AP2B1: variants seen among roughly 807,000 people sequenced by gnomAD.
The protein encoded by AP2B1 is adaptor related protein complex 2 subunit beta 1, also known as AP-2 complex subunit beta.
Under a neutral mutation model 102.0 loss-of-function variants are expected in AP2B1, and 23 were observed. The ratio of observed to expected loss-of-function variants is 0.23; its 90% CI spans 0.16 to 0.32. AP2B1 has a LOEUF of 0.32. Ranked by LOEUF, AP2B1 falls within the 10% of genes least tolerant of loss-of-function variation. The pLI, the probability that AP2B1 is intolerant of heterozygous loss-of-function variation, is 1.00. For synonymous variants in AP2B1, 381 were observed against 421.2 expected (o/e 0.90, Z 1.17); for missense variants, 541 against 1,157.4 (o/e 0.47, Z 7.73).
intron 12 of AP2B1, among the ~76,000 whole-genome samples, chr17:35,649,208 C>T (rs1219892751): frequency 5.9e-5 from 9 of 151,778 alleles, no homozygotes; most frequent in Admixed American, 5.9e-4. Flanking sequence ...GGTATGGGTA[C>T]AATATATGGA....
chr17:35,703,244 G>A (rs1317504770), intron 18 of AP2B1, among the ~76,000 whole-genome samples: 3 of 118,156 alleles, frequency 2.5e-5, no homozygotes, highest in East Asian at 5.4e-4. Flanking sequence ...CAGCCTGGGT[G>A]ACAGAGCCAG....
Position 35,657,630 on chromosome 17 carries a change from A to T in AP2B1, c.1828A>T (p.Thr610Ser). The change falls in exon 14 of 22, where the codon ACC becomes TCC. Residue 610 changes from threonine to serine, a missense_variant. Physicochemically the swap from Thr to Ser is moderately conservative, Grantham distance 58. Coordinates refer to ENST00000610402, the MANE Select transcript of AP2B1 (RefSeq NM_001030006.2). ...TGCAGGTGACAGCCCTGTTGGCACT[A>T]CCACTGCAACGAACCTGGAACAGCC... ...TDAGDSPVGT[T>S]TATNLEQPQV... The T allele has an allele frequency of 6.2e-7, 1 of 1,613,948 alleles. No individual in the cohort carries two copies. The highest frequency in any genetic ancestry group is 8.5e-7 in the Non-Finnish European group (1 of 1,179,866).
At chr17:35,682,048 A>G (rs2075832239) in intron 17 of AP2B1, among the ~76,000 whole-genome samples, 1 of 152,082 alleles carries the variant, frequency 6.6e-6, no homozygotes, top group Non-Finnish European at 1.5e-5. Flanking sequence ...TGAGCTCAGG[A>G]GTTCGAGACC....
At chr17:35,712,628 C>CA (rs1298783238) in intron 20 of AP2B1, among the ~76,000 whole-genome samples, 26 of 142,038 alleles carry the variant, frequency 1.8e-4, no homozygotes, top group Middle Eastern at 3.7e-3. Flanking sequence ...GACTCCGTCT[C>CA]AAAAAAAAAA....
At chr17:35,616,276 T>C (rs914495609) in intron 5 of AP2B1, among the ~76,000 whole-genome samples, 4 of 149,666 alleles carry the variant, frequency 2.7e-5, no homozygotes, top group Non-Finnish European at 5.9e-5. Flanking sequence ...GCCATTCTCA[T>C]GCCTCACACT....
intron 5 of AP2B1, among the ~76,000 whole-genome samples, chr17:35,610,725 G>C (rs1175431166): frequency 6.6e-6 from 1 of 151,866 alleles, no homozygotes; most frequent in Non-Finnish European, 1.5e-5. Flanking sequence ...GGCTAACGCG[G>C]TGAATCCCCG....
At chr17:35,681,461 G>A (rs1009048521) in intron 17 of AP2B1, among the ~76,000 whole-genome samples, 1 of 152,212 alleles carries the variant, frequency 6.6e-6, no homozygotes, top group Non-Finnish European at 1.5e-5. Flanking sequence ...CTGCAGTGAT[G>A]CAGTCACAAT....
At chr17:35,714,982 A>G (rs1294652223) in intron 20 of AP2B1, among the ~76,000 whole-genome samples, 1 of 152,252 alleles carries the variant, frequency 6.6e-6, no homozygotes, top group East Asian at 1.9e-4. Flanking sequence ...ATTCTATCCC[A>G]GTCAGACCAG....
intron 21 of AP2B1, among the ~76,000 whole-genome samples, chr17:35,718,357 T>TGTGTGTGC (rs1491356747): frequency 1.4e-5 from 2 of 140,322 alleles, no homozygotes; most frequent in Non-Finnish European, 3.1e-5. Context: ...TGTGTGTGTG[T>TGTGTGTGC]GCTCGCTCCT....
chr17:35,682,445 C>T (rs587666095), intron 17 of AP2B1, among the ~76,000 whole-genome samples: 2 of 148,088 alleles, frequency 1.4e-5, no homozygotes, highest in South Asian at 2.2e-4. Context: ...CGAGTTCAAG[C>T]GATTCTCCTG....
chr17:35,715,389 G>A (rs1324687255), intron 20 of AP2B1, among the ~76,000 whole-genome samples: 3 of 152,232 alleles, frequency 2.0e-5, no homozygotes, highest in Non-Finnish European at 4.4e-5. Context: ...TATTTCTGTA[G>A]GAATCTGGCC....
intron 2 of AP2B1, chr17:35,596,764 C>A (rs1054200589): frequency 3.5e-6 from 2 of 566,540 alleles, no homozygotes; most frequent in African/African-American, 1.9e-5. Context: ...GCGAGTACAG[C>A]GCCCGCAGCT....
chr17:35,699,839 G>A (rs2076209513), intron 18 of AP2B1, among the ~76,000 whole-genome samples: 1 of 152,160 alleles, frequency 6.6e-6, no homozygotes, highest in Non-Finnish European at 1.5e-5. Context: ...GTCAAGGTGG[G>A]AGGATCGCTT....
intron 18 of AP2B1, among the ~76,000 whole-genome samples, chr17:35,700,568 G>C (rs746637184): frequency 3.3e-5 from 5 of 152,120 alleles, no homozygotes; most frequent in South Asian, 2.1e-4. Context: ...TGCCTCCTTT[G>C]GTTACCTGTG....
At position 35,594,148 on chromosome 17, in the gene AP2B1, C is replaced by T; in HGVS notation, c.37+81C>T. 3 of 853,860 alleles carry T rather than the reference C, an allele frequency of 3.5e-6. 1 individual carries two copies. Among genetic ancestry groups the T allele is most frequent in the South Asian group, 3.5e-5 (2 of 56,486 alleles). 52.9% of individuals were successfully genotyped at this position (853,860 alleles called of 1,614,324 possible). A position where few individuals can be genotyped will look rare whatever the true frequency, so the allele number is the denominator to read the frequency against. On this transcript the variant is annotated intron_variant, in intron 2 of 21. Coordinates refer to ENST00000610402, the MANE Select transcript of AP2B1 (RefSeq NM_001030006.2). ...ATTGCCCCAGGCAGAATGCTGCTGA[C>T]CTCTTCCTTCAGACATACATGTAGC...
intron 17 of AP2B1, among the ~76,000 whole-genome samples, chr17:35,679,349 C>G (rs1355946796): frequency 2.0e-5 from 3 of 150,182 alleles, no homozygotes; most frequent in Non-Finnish European, 3.0e-5. Flanking sequence ...TTTTTGAGCT[C>G]TTTCATCTCC....
At chr17:35,634,375 A>G (rs998276539) in intron 9 of AP2B1, among the ~76,000 whole-genome samples, 28 of 152,132 alleles carry the variant, frequency 1.8e-4, no homozygotes, top group African/African-American at 6.8e-4. Context: ...AAGAATACCT[A>G]TTGGGTGATT....
At chr17:35,684,531 A>G (rs1051076205) in intron 18 of AP2B1, among the ~76,000 whole-genome samples, 2 of 152,234 alleles carry the variant, frequency 1.3e-5, no homozygotes, top group Non-Finnish European at 2.9e-5. Context: ...TTGCCACAGT[A>G]GTTGACTGCC....
intron 9 of AP2B1, among the ~76,000 whole-genome samples, chr17:35,631,541 A>C (rs981220649): frequency 2.0e-5 from 3 of 151,856 alleles, no homozygotes; most frequent in Admixed American, 2.0e-4. Flanking sequence ...AATGCTATTT[A>C]TTTACTTTGT....
Sources: allele counts gnomAD v4.1 joint callset (sites outside exome capture counted in the v4.1 genomes callset), GRCh38; gene constraint gnomAD v4.1.1; transcripts MANE v1.5; gene names NCBI Gene and HGNC (gene_info 2026-07-23, HGNC 2026-07-21).